CFAP61: variants seen among roughly 807,000 people sequenced by gnomAD.
CFAP61 encodes the protein cilia and flagella associated protein 61.
A neutral mutation model predicts 135.6 loss-of-function variants in CFAP61; 107 were observed. The observed-to-expected ratio is 0.79, with a 90% CI of 0.67 to 0.93. The LOEUF (loss-of-function observed/expected upper bound fraction) is 0.93. Among genes scored for constraint, CFAP61 ranks in the 40% least tolerant of loss-of-function variants. The pLI is 0.00. For synonymous variants in CFAP61, 575 were observed against 578.5 expected, an observed-to-expected ratio of 0.99 and a Z score of 0.09; for missense variants, 1,507 against 1,556.2, an observed-to-expected ratio of 0.97 and a Z score of 0.53.
chr20:20,197,344 A>G (rs1476063456), intron 16 of CFAP61, among the ~76,000 whole-genome samples: 1 of 152,200 alleles, frequency 6.6e-6, no homozygotes, highest in Non-Finnish European at 1.5e-5. Flanking sequence ...TCTGATGTGT[A>G]TACATGGTGT....
chr20:20,064,963 T>C (rs1318069475), intron 2 of CFAP61, among the ~76,000 whole-genome samples: 5 of 152,154 alleles, frequency 3.3e-5, no homozygotes, highest in African/African-American at 1.2e-4. Context: ...GGCAGTGTGG[T>C]AATTTGCAGG....
At chr20:20,219,055 CAAA>C (rs2048223965) in intron 17 of CFAP61, among the ~76,000 whole-genome samples, 3 of 152,188 alleles carry the variant, frequency 2.0e-5, no homozygotes, top group Non-Finnish European at 4.4e-5. Flanking sequence ...AGGTGATATT[CAAA>C]TCCCATTAAG....
intron 10 of CFAP61, among the ~76,000 whole-genome samples, chr20:20,161,315 C>G (rs748362739): frequency 1.7e-4 from 26 of 152,172 alleles, no homozygotes; most frequent in Non-Finnish European, 2.2e-4. Context: ...CAGAAGACAC[C>G]TGAGTCAACA....
At chr20:20,081,783 C>G (rs1289372543) in intron 6 of CFAP61, among the ~76,000 whole-genome samples, 1 of 150,502 alleles carries the variant, frequency 6.6e-6, no homozygotes, top group Non-Finnish European at 1.5e-5. Context: ...CACATACAGC[C>G]CCTGATGTGC....
At chr20:20,255,548 G>A (rs1021598598) in intron 20 of CFAP61, among the ~76,000 whole-genome samples, 1 of 152,126 alleles carries the variant, frequency 6.6e-6, no homozygotes, top group Admixed American at 6.6e-5. Context: ...GTCTTAGACT[G>A]GGTCAGTAAT....
At chr20:20,061,492 A>G (rs979353286) in intron 2 of CFAP61, among the ~76,000 whole-genome samples, 1 of 152,166 alleles carries the variant, frequency 6.6e-6, no homozygotes, top group Non-Finnish European at 1.5e-5. Context: ...GCCACCCAAA[A>G]TCTCACCCAA....
intron 13 of CFAP61, among the ~76,000 whole-genome samples, chr20:20,179,446 A>T (rs1035572328): frequency 5.9e-5 from 9 of 152,202 alleles, no homozygotes; most frequent in African/African-American, 1.9e-4. Flanking sequence ...CATTAAAATG[A>T]CCATACTGCC....
chr20:20,358,107 G>A (rs1201691605), intron 26 of CFAP61, among the ~76,000 whole-genome samples: 1 of 141,792 alleles, frequency 7.1e-6, no homozygotes, highest in Non-Finnish European at 1.5e-5. Flanking sequence ...AGGGGAGGTG[G>A]GCACACTGTG....
At chr20:20,294,921 C>T (rs1157750326) in intron 24 of CFAP61, among the ~76,000 whole-genome samples, 1 of 145,598 alleles carries the variant, frequency 6.9e-6, no homozygotes, top group African/African-American at 2.6e-5. Context: ...GGCGACAGAG[C>T]GAGACTCCGT....
At chr20:20,179,527 A>G (rs1321837271) in intron 13 of CFAP61, among the ~76,000 whole-genome samples, 1 of 152,172 alleles carries the variant, frequency 6.6e-6, no homozygotes, top group Non-Finnish European at 1.5e-5. Flanking sequence ...ACTAGAAAAA[A>G]CTGTTTTGAT....
intron 19 of CFAP61, 96 bp from the exon 20 acceptor site, chr20:20,251,499 C>T: frequency 8.6e-7 from 1 of 1,158,408 alleles, no homozygotes; most frequent in Non-Finnish European, 1.3e-6. Flanking sequence ...AGCACGGACT[C>T]AGCCCACTAG....
At chr20:20,072,091 CTTTTTTTTTTTTTTTTTTTTTTTTTTTT>C (rs71198039) in intron 3 of CFAP61, among the ~76,000 whole-genome samples, 4,094 of 57,738 alleles carry the variant, frequency 0.071, 313 homozygotes, top group African/African-American at 0.22. Flanking sequence ...ATCTAGCAAT[CTTTTTTTTTTTTTTTTTTTTTTTTTTTT>C]TTTTTTTTTT....
chr20:20,129,399 A>T (rs1422504527), intron 8 of CFAP61, among the ~76,000 whole-genome samples: 1 of 151,678 alleles, frequency 6.6e-6, no homozygotes, highest in Non-Finnish European at 1.5e-5. Flanking sequence ...TCTCACTCCC[A>T]CCTGCCCTGT....
chr20:20,173,285 A>G (rs547132399), intron 13 of CFAP61, among the ~76,000 whole-genome samples: 2 of 152,356 alleles, frequency 1.3e-5, no homozygotes, highest in African/African-American at 2.4e-5. Context: ...GCTCATTTAG[A>G]TAACTACCAA....
At chr20:20,056,058 C>T in intron 1 of CFAP61, 1 of 1,403,162 alleles carries the variant, frequency 7.1e-7, no homozygotes, top group Non-Finnish European at 9.9e-7. Context: ...CTGGGTTATA[C>T]AAAGAAAACA....
chr20:20,241,473 G>T (rs2050009622), intron 18 of CFAP61, among the ~76,000 whole-genome samples: 1 of 152,136 alleles, frequency 6.6e-6, no homozygotes, highest in Admixed American at 6.5e-5. Context: ...TATAGGTTAG[G>T]TTTTTTAAAA....
At chr20:20,149,849 C>A (rs929251809) in intron 9 of CFAP61, among the ~76,000 whole-genome samples, 1 of 152,198 alleles carries the variant, frequency 6.6e-6, no homozygotes, top group African/African-American at 2.4e-5. Flanking sequence ...CCCTCTTGAG[C>A]AGAATCCTGG....
intron 17 of CFAP61, among the ~76,000 whole-genome samples, chr20:20,207,980 T>G (rs973781500): frequency 5.3e-5 from 8 of 152,224 alleles, no homozygotes; most frequent in African/African-American, 1.9e-4. Context: ...AGTGTGATTT[T>G]CGTGGCCACA....
At chr20:20,219,328 A>C (rs1344073793) in intron 17 of CFAP61, among the ~76,000 whole-genome samples, 3 of 152,150 alleles carry the variant, frequency 2.0e-5, no homozygotes, top group Non-Finnish European at 4.4e-5. Context: ...ATTTTATCCC[A>C]AAATTTTTTT....
Sources: gnomAD v4.1 joint callset for allele counts (sites outside exome capture counted in the v4.1 genomes callset) on GRCh38, gnomAD v4.1.1 for gene constraint, MANE v1.5 for transcripts, NCBI Gene and HGNC (gene_info 2026-07-23, HGNC 2026-07-21) for gene names.